Variants in DNAH5 observed in about 807,000 individuals in gnomAD.
The protein encoded by DNAH5 is axonemal beta dynein heavy chain 5.
A neutral mutation model predicts 518.2 loss-of-function variants in DNAH5; 372 were observed. That is an observed-to-expected ratio of 0.72 (90% CI 0.66 to 0.78). The LOEUF is 0.78. Among genes scored for constraint, DNAH5 ranks in the 30% least tolerant of loss-of-function variants. The pLI is 0.00. For missense variants in DNAH5, 5,523 were observed against 5,687.0 expected, an observed-to-expected ratio of 0.97 and a Z score of 0.93; for synonymous variants, 2,039 against 2,025.9, an observed-to-expected ratio of 1.01 and a Z score of -0.17.
chr5:13,912,519 G>A (rs1217428392), intron 11 of DNAH5, among the ~76,000 whole-genome samples: 2 of 151,410 alleles, frequency 1.3e-5, no homozygotes, highest in African/African-American at 4.8e-5. Flanking sequence ...ATGATACAAT[G>A]TCTAGGATTT....
intron 59 of DNAH5, among the ~76,000 whole-genome samples, chr5:13,764,248 T>C (rs748526013): frequency 7.2e-5 from 11 of 152,124 alleles, no homozygotes; most frequent in Non-Finnish European, 1.3e-4. Flanking sequence ...TTAGGGAAAA[T>C]ATTAAGAAAT....
rs2126321850 is a variant in DNAH5 at position 13,690,742 on chromosome 5, A to C, written c.*1242T>G. The C allele has an allele frequency of 6.6e-6, 1 of 152,350 alleles. No individual in the cohort carries two copies. The highest frequency in any genetic ancestry group is 1.5e-5 in the Non-Finnish European group (1 of 68,026). 9.4% of individuals were successfully genotyped at this position (152,350 alleles called of 1,614,324 possible). A position where few individuals can be genotyped will look rare whatever the true frequency, so the allele number is the denominator to read the frequency against. On this transcript the variant is annotated 3_prime_UTR_variant, in exon 79 of 79. Coordinates refer to ENST00000265104, the MANE Select transcript of DNAH5 (RefSeq NM_001369.3). The stretch of plus-strand genomic sequence containing the variant: ...AGATGAAGAATTATTAATAACATCT[A>C]ACCAGAATTTAAAGAAAAATACGTG...
rs1229236281 is a variant in DNAH5 at position 13,793,996 on chromosome 5, C to G, written c.7950G>C (p.Lys2650Asn). The G allele has an allele frequency of 1.2e-6, 2 of 1,614,082 alleles. No homozygotes were observed. The highest frequency in any genetic ancestry group is 1.7e-6 in the Non-Finnish European group (2 of 1,179,990). ...CATCATCAATAAAAACAGTCATCTTCTTTCCCGCAGGAGGGCCATATGTTG... is the reference window on the plus strand; with the variant it reads ...CATCATCAATAAAAACAGTCATCTTGTTTCCCGCAGGAGGGCCATATGTTG... ...MGTTYGPPAG[K>N]KMTVFIDDVN... Residue 2650 changes from lysine to asparagine, a missense_variant, in exon 48 of 79, where the codon AAG becomes AAC. Coordinates refer to ENST00000265104, the MANE Select transcript of DNAH5 (RefSeq NM_001369.3).
chr5:13,763,562 A>G (rs561818493), intron 59 of DNAH5, among the ~76,000 whole-genome samples: 2 of 152,344 alleles, frequency 1.3e-5, no homozygotes, highest in South Asian at 2.1e-4. Context: ...AGACTGACCA[A>G]ACAATGAAAT....
intron 65 of DNAH5, among the ~76,000 whole-genome samples, chr5:13,737,844 T>A (rs1194763869): frequency 6.6e-6 from 1 of 152,012 alleles, no homozygotes; most frequent in African/African-American, 2.4e-5. Flanking sequence ...GGTGGATCAT[T>A]TGAGGTCAGG....
chr5:13,907,590 T>C (rs1775476973), intron 12 of DNAH5, among the ~76,000 whole-genome samples: 1 of 152,190 alleles, frequency 6.6e-6, no homozygotes, highest in Admixed American at 6.5e-5. Flanking sequence ...CATGAACCCC[T>C]CAAATATGTT....
chr5:13,730,475 C>T (rs942681906), intron 68 of DNAH5, among the ~76,000 whole-genome samples: 1 of 152,098 alleles, frequency 6.6e-6, no homozygotes, highest in Admixed American at 6.6e-5. Context: ...CGTTCTGTAG[C>T]CCAGGCTGGA....
chr5:13,753,602 G>A (rs1750571172), intron 62 of DNAH5, 53 bp from the exon 63 acceptor site: 13 of 1,444,928 alleles, frequency 9.0e-6, no homozygotes, highest in Non-Finnish European at 1.2e-5. Context: ...CCGTGTGATT[G>A]TACAGCATAT....
rs561666802 is a variant in DNAH5, at chr5:13,810,216, G to A, written c.7452C>T (p.Phe2484=). 1.7e-5 allele frequency: 26 copies of A among 1,550,524 alleles called. 1 individual carries two copies. In the South Asian group the frequency reaches 2.4e-4, roughly 14 times the overall value. ...CCGCGCTCCACAGCAGCGCGAACAC[G>A]AACAGCCGCCCCAGGTGAGCCTGGC... ...EVSQAHLGRL[F]VFALLWSAGA... Residue 2484 remains phenylalanine (F), a synonymous_variant, in exon 45 of 79, where the codon TTC becomes TTT. Coordinates refer to ENST00000265104, the MANE Select transcript of DNAH5 (RefSeq NM_001369.3).
At chr5:13,980,452 C>T (rs115341066) in intron 1 of DNAH5, among the ~76,000 whole-genome samples, 1,911 of 152,214 alleles carry the variant, frequency 0.013, 41 homozygotes, top group African/African-American at 0.043. Flanking sequence ...GTGCCATTTC[C>T]GTCCCAAACC....
At chr5:13,919,036 G>A (rs1251421157) in intron 7 of DNAH5, 140 bp downstream of exon 7, 1 of 1,058,342 alleles carries the variant, frequency 9.4e-7, no homozygotes, top group Non-Finnish European at 1.4e-6. Context: ...AAAGTGATGT[G>A]AGGGAAGTAT....
intron 12 of DNAH5, among the ~76,000 whole-genome samples, chr5:13,905,585 T>C (rs1043951256): frequency 6.6e-6 from 1 of 152,150 alleles, no homozygotes; most frequent in Non-Finnish European, 1.5e-5. Context: ...CTACAAATAT[T>C]AGAATGGTCA....
chr5:13,722,399 C>T (rs186547518), intron 70 of DNAH5, among the ~76,000 whole-genome samples: 47 of 152,318 alleles, frequency 3.1e-4, no homozygotes, highest in Admixed American at 1.6e-3. Context: ...CAAATTGGTG[C>T]GATGTTTCCC....
chr5:13,750,030 A>G (rs1201809555), intron 65 of DNAH5, among the ~76,000 whole-genome samples: 1 of 152,136 alleles, frequency 6.6e-6, no homozygotes, highest in Non-Finnish European at 1.5e-5. Context: ...TCTGTGATTC[A>G]TGTGCTATAA....
At chr5:13,978,145 C>G (rs1205789882) in intron 1 of DNAH5, among the ~76,000 whole-genome samples, 1 of 152,216 alleles carries the variant, frequency 6.6e-6, no homozygotes, top group Non-Finnish European at 1.5e-5. Flanking sequence ...TGTAACAGCA[C>G]CTGCCTCCGG....
chr5:13,879,813 T>C lies in DNAH5; in HGVS notation c.3262+2915A>G, dbSNP rs534732510. Among the ~76,000 whole-genome samples, 7 of 152,196 alleles carry C rather than the reference T, an allele frequency of 4.6e-5. No individual in the cohort carries two copies. In the South Asian group the frequency reaches 1.0e-3, roughly 23 times the overall value. On this transcript the variant is annotated intron_variant, in intron 21 of 78. Coordinates refer to ENST00000265104, the MANE Select transcript of DNAH5 (RefSeq NM_001369.3). ...GAATGAAGATATCTTAACAGACTTATGGGACACCATCAAGAGGAACAACTT... is the reference window on the plus strand; with the variant it reads ...GAATGAAGATATCTTAACAGACTTACGGGACACCATCAAGAGGAACAACTT...
At chr5:13,967,161 C>T (rs187627475) in intron 1 of DNAH5, among the ~76,000 whole-genome samples, 1 of 152,282 alleles carries the variant, frequency 6.6e-6, no homozygotes, top group Non-Finnish European at 1.5e-5. Flanking sequence ...TGCACCTGGC[C>T]TAGAAGCTTT....
At chr5:13,827,019 G>T (rs546546350) in intron 38 of DNAH5, among the ~76,000 whole-genome samples, 1 of 152,154 alleles carries the variant, frequency 6.6e-6, no homozygotes, top group African/African-American at 2.4e-5. Context: ...GATAAAGATG[G>T]GGAACTTGTT....
intron 76 of DNAH5, among the ~76,000 whole-genome samples, chr5:13,702,968 A>C (rs115460129): frequency 0.03 from 4,615 of 151,394 alleles, 218 homozygotes; most frequent in African/African-American, 0.099. Context: ...CTCTCTGTGC[A>C]GCCCCCAACC....
Sources: gnomAD v4.1 joint callset for allele counts (sites outside exome capture counted in the v4.1 genomes callset) on GRCh38, gnomAD v4.1.1 for gene constraint, MANE v1.5 for transcripts, NCBI Gene and HGNC (gene_info 2026-07-23, HGNC 2026-07-21) for gene names.